Variants in SND1 observed in about 807,000 individuals in gnomAD.
SND1 encodes the protein staphylococcal nuclease and tudor domain containing 1.
In SND1, 38 loss-of-function variants were observed where a neutral mutation model predicts 121.7. The ratio of observed to expected loss-of-function variants is 0.31; its 90% CI spans 0.24 to 0.41. SND1 has a LOEUF of 0.41. Ranked by LOEUF, SND1 falls within the 10% of genes least tolerant of loss-of-function variation. The pLI is 1.00. For synonymous variants in SND1, 401 were observed against 447.4 expected (o/e 0.90, Z 1.31); for missense variants, 868 against 1,184.6 (o/e 0.73, Z 3.92).
At chr7:128,088,379 C>G (rs1337203149) in intron 21 of SND1, among the ~76,000 whole-genome samples, 1 of 150,844 alleles carries the variant, frequency 6.6e-6, no homozygotes, top group East Asian at 1.9e-4. Context: ...GAGGATCGCT[C>G]GAGCCCACAA....
rs139337816 is a variant in SND1 at position 127,665,924 on chromosome 7, C to T, written c.78+13473C>T. 3.0e-3 allele frequency among the ~76,000 whole-genome samples: 453 copies of T among 152,274 alleles called. 5 individuals carry two copies. The East Asian group carries it at 0.043, about 15-fold the overall frequency. Reference sequence around the variant, plus strand: ...GAAAAGTGGTGCATTCTATTCCTCCCGGTGTGTAAGGTAGAGGGACACTCC... The same window carrying T: ...GAAAAGTGGTGCATTCTATTCCTCCTGGTGTGTAAGGTAGAGGGACACTCC... On this transcript the variant is annotated intron_variant, in intron 1 of 23. Coordinates refer to ENST00000354725, the MANE Select transcript of SND1 (RefSeq NM_014390.4).
At chr7:127,973,838 A>G (rs1802056207) in intron 15 of SND1, among the ~76,000 whole-genome samples, 1 of 152,178 alleles carries the variant, frequency 6.6e-6, no homozygotes, top group Admixed American at 6.5e-5. Context: ...ACTATGTCCA[A>G]ATTGCCTTTG....
At chr7:127,846,724 A>C (rs183268981) in intron 12 of SND1, among the ~76,000 whole-genome samples, 5 of 152,256 alleles carry the variant, frequency 3.3e-5, no homozygotes, top group African/African-American at 1.2e-4. Flanking sequence ...TATAACTGAT[A>C]ATTTTATTCT....
Position 127,707,766 on chromosome 7 carries a change from A to T in SND1, c.1038+119A>T, listed in dbSNP as rs1482689821. Reference sequence around the variant, plus strand: ...GAAAATTTCAAGGCAAGCCAGTAGGAGTGTGTGTGTGTGTGTGTGTGTGTG... The same window carrying T: ...GAAAATTTCAAGGCAAGCCAGTAGGTGTGTGTGTGTGTGTGTGTGTGTGTG... On this transcript the variant is annotated intron_variant, in intron 9 of 23. Transcript: ENST00000354725. 5.6e-5 allele frequency: 23 copies of T among 407,394 alleles called. No homozygotes were observed. The highest frequency in any genetic ancestry group is 8.6e-5 in the East Asian group (2 of 23,156). The allele number at this position is 407,394 out of a possible 1,614,324, so 25.2% of individuals were successfully genotyped here. A position where few individuals can be genotyped will look rare whatever the true frequency, so the allele number is the denominator to read the frequency against.
intron 11 of SND1, among the ~76,000 whole-genome samples, chr7:127,814,565 G>A (rs1016589732): frequency 2.6e-5 from 4 of 151,776 alleles, no homozygotes; most frequent in East Asian, 3.9e-4. Context: ...TCCAGCATAC[G>A]ATCAGTTTTG....
chr7:127,669,795 T>A (rs1795482632), intron 1 of SND1, among the ~76,000 whole-genome samples: 1 of 152,132 alleles, frequency 6.6e-6, no homozygotes. Flanking sequence ...CCAGACAGCC[T>A]GCATTTTAGA....
chr7:127,839,110 C>T (rs374213071), intron 11 of SND1, among the ~76,000 whole-genome samples: 5 of 152,290 alleles, frequency 3.3e-5, no homozygotes, highest in African/African-American at 1.2e-4. Flanking sequence ...GTGTTCTTAT[C>T]GAGCCTATGT....
intron 14 of SND1, among the ~76,000 whole-genome samples, chr7:127,923,618 A>G (rs1800764966): frequency 6.6e-6 from 1 of 152,238 alleles, no homozygotes; most frequent in South Asian, 2.1e-4. Context: ...GTGAATTAAA[A>G]TGGCACTTGG....
chr7:127,988,937 G>T (rs1802458069), intron 15 of SND1, among the ~76,000 whole-genome samples: 1 of 152,164 alleles, frequency 6.6e-6, no homozygotes, highest in South Asian at 2.1e-4. Flanking sequence ...TGGCAAGATT[G>T]TTCAATGGAA....
chr7:127,839,111 G>A (rs546949340), intron 11 of SND1, among the ~76,000 whole-genome samples: 4 of 152,224 alleles, frequency 2.6e-5, no homozygotes, highest in Admixed American at 2.6e-4. Context: ...TGTTCTTATC[G>A]AGCCTATGTG....
intron 15 of SND1, among the ~76,000 whole-genome samples, chr7:127,977,429 G>A (rs185661099): frequency 5.5e-4 from 84 of 152,184 alleles, no homozygotes; most frequent in African/African-American, 1.6e-3. Flanking sequence ...TATATGGTCC[G>A]AAGGAATTGG....
intron 16 of SND1, among the ~76,000 whole-genome samples, chr7:127,995,037 C>A (rs1802614206): frequency 6.6e-6 from 1 of 152,150 alleles, no homozygotes; most frequent in African/African-American, 2.4e-5. Flanking sequence ...CATGCTAATT[C>A]TTTCATGTAT....
At chr7:127,790,206 T>A (rs1158368121) in intron 10 of SND1, among the ~76,000 whole-genome samples, 1 of 152,178 alleles carries the variant, frequency 6.6e-6, no homozygotes, top group Non-Finnish European at 1.5e-5. Flanking sequence ...CCAGCATCCT[T>A]GTCATCGAGT....
Position 128,074,504 on chromosome 7 carries a change from G to A in SND1, c.1782G>A (p.Val594=). 1 of 1,609,636 alleles carries A rather than the reference G, an allele frequency of 6.2e-7. No homozygotes were observed. Among genetic ancestry groups the A allele is most frequent in the Non-Finnish European group, 8.5e-7 (1 of 1,176,946 alleles). The change falls in exon 17 of 24, where the codon GTG becomes GTA. Residue 594 remains valine, a splice_region_variant and synonymous_variant. Transcript: ENST00000354725. ...FTKELVLQRE[V]EVEVESMDKA... The stretch of plus-strand genomic sequence containing the variant: ...TTACGCCTGTCTCTCTGTCCCAGGT[G>A]GAGGTGGAGGTGGAGAGCATGGACA...
chr7:128,054,551 G>A (rs1178833693), intron 16 of SND1, among the ~76,000 whole-genome samples: 2 of 152,190 alleles, frequency 1.3e-5, no homozygotes, highest in Non-Finnish European at 2.9e-5. Flanking sequence ...CATTAGCAAT[G>A]GTTCAAAGTC....
At chr7:127,891,703 C>A (rs1800012146) in intron 13 of SND1, among the ~76,000 whole-genome samples, 3 of 152,066 alleles carry the variant, frequency 2.0e-5, no homozygotes. Context: ...CTGAATAAAA[C>A]CCCTAAACAA....
At chr7:127,669,931 C>CT (rs991427755) in intron 1 of SND1, among the ~76,000 whole-genome samples, 17 of 150,302 alleles carry the variant, frequency 1.1e-4, no homozygotes, top group Admixed American at 4.0e-4. Flanking sequence ...AGCATCTTTT[C>CT]TTTTTTTTTC....
At chr7:127,830,759 A>G (rs73721012) in intron 11 of SND1, among the ~76,000 whole-genome samples, 2,594 of 152,244 alleles carry the variant, frequency 0.017, 92 homozygotes, top group African/African-American at 0.059. Context: ...TTGTGCATTC[A>G]GTATCTTTTA....
At chr7:127,849,460 A>T (rs1011560934) in intron 12 of SND1, among the ~76,000 whole-genome samples, 2 of 152,222 alleles carry the variant, frequency 1.3e-5, no homozygotes. Context: ...TTAGAAAGGG[A>T]CATCTACAAA....
Sources: gnomAD v4.1 joint callset for allele counts (sites outside exome capture counted in the v4.1 genomes callset) on GRCh38, gnomAD v4.1.1 for gene constraint, MANE v1.5 for transcripts, NCBI Gene and HGNC (gene_info 2026-07-23, HGNC 2026-07-21) for gene names.